The following KIAA0825 variants were observed in gnomAD, a reference collection of about 807,000 sequenced individuals.
KIAA0825 encodes KIAA0825.
Under a neutral mutation model 147.6 loss-of-function variants are expected in KIAA0825, and 119 were observed. The ratio of observed to expected loss-of-function variants is 0.81; its 90% confidence interval spans 0.69 to 0.94. KIAA0825 has a LOEUF of 0.94. KIAA0825 is among the 40% of genes least tolerant of loss of function. The probability of loss-of-function intolerance (pLI) is 0.00; values close to 1 mark genes in which losing one functional copy is unlikely to be tolerated. For missense variants in KIAA0825, 1,381 were observed against 1,472.7 expected, an observed-to-expected ratio of 0.94 and a Z score of 1.02; for synonymous variants, 470 against 518.1, an observed-to-expected ratio of 0.91 and a Z score of 1.26.
chr5:94,299,739 T>C (rs1778302034), intron 20 of KIAA0825, among the ~76,000 whole-genome samples: 1 of 152,040 alleles, frequency 6.6e-6, no homozygotes, highest in Non-Finnish European at 1.5e-5. Context: ...GGAGCTTAAG[T>C]AAAAAGAGAT....
chr5:94,406,200 C>T (rs896533727), intron 15 of KIAA0825, among the ~76,000 whole-genome samples: 1 of 152,218 alleles, frequency 6.6e-6, no homozygotes, highest in Non-Finnish European at 1.5e-5. Flanking sequence ...GCTGGGATTA[C>T]AGGCGTGAGC....
rs62364612 is a variant in KIAA0825, at chr5:94,470,673, T to C, written c.1722-562A>G. On this transcript the variant is annotated intron_variant, in intron 9 of 20. Transcript: ENST00000682413. ...CACAACATCTGACTACTTATGAGAA[T>C]TAAAGAAATATCACAGTTATACCCT... 7.3e-3 allele frequency among the ~76,000 whole-genome samples: 1,106 copies of C among 152,354 alleles called. 6 individuals are homozygous for C. Among genetic ancestry groups the C allele is most frequent in the Non-Finnish European group, 0.011 (734 of 68,032 alleles).
Position 94,417,296 on chromosome 5 carries a change from A to G in KIAA0825, c.2567T>C (p.Leu856Ser), listed in dbSNP as rs1184772790. ...PSLMEAIFKI[L>S]YHCSFSPQTF... ...TTGTGGAGAAAAACTGCAATGGTAC[A>G]ATATTTTAAAGATGGCTTCCATCAA... Residue 856 changes from leucine to serine, a missense_variant, in exon 15 of 21, where the codon TTG becomes TCG. Physicochemically the swap from Leu to Ser is moderately radical, Grantham distance 145 (BLOSUM62 -2). Coordinates refer to ENST00000682413, the MANE Select transcript of KIAA0825 (RefSeq NM_001145678.3). The G allele has an allele frequency of 6.4e-7, 1 of 1,550,858 alleles. No individual in the cohort carries two copies. Among genetic ancestry groups the G allele is most frequent in the South Asian group, 1.2e-5 (1 of 84,012 alleles).
At chr5:94,288,214 C>T (rs1201843299) in intron 20 of KIAA0825, among the ~76,000 whole-genome samples, 2 of 152,092 alleles carry the variant, frequency 1.3e-5, no homozygotes, top group African/African-American at 4.8e-5. Context: ...AGGTGAATGG[C>T]TTTATCTTCC....
chr5:94,571,613 A>C (rs990322462), intron 2 of KIAA0825, among the ~76,000 whole-genome samples: 7 of 152,218 alleles, frequency 4.6e-5, no homozygotes, highest in Non-Finnish European at 1.5e-5. Flanking sequence ...ATATTTTTAG[A>C]TGTGGTCTTA....
At chr5:94,166,689 G>A (rs1368970194) in intron 20 of KIAA0825, among the ~76,000 whole-genome samples, 1 of 151,598 alleles carries the variant, frequency 6.6e-6, no homozygotes, top group Admixed American at 6.6e-5. Context: ...TGTATTTTTA[G>A]TAGAGACGGG....
chr5:94,500,782 A>G (rs1764981350), intron 5 of KIAA0825, among the ~76,000 whole-genome samples: 1 of 151,986 alleles, frequency 6.6e-6, no homozygotes. Flanking sequence ...TTTCATTACT[A>G]TTATTATTTT....
chr5:94,295,251 C>T (rs1778083343), intron 20 of KIAA0825, among the ~76,000 whole-genome samples: 1 of 151,838 alleles, frequency 6.6e-6, no homozygotes, highest in Non-Finnish European at 1.5e-5. Flanking sequence ...AATTCTCGTG[C>T]TGTGTTTTTC....
At chr5:94,154,551 G>A (rs912334100) in intron 20 of KIAA0825, among the ~76,000 whole-genome samples, 1 of 152,108 alleles carries the variant, frequency 6.6e-6, no homozygotes, top group Admixed American at 6.5e-5. Flanking sequence ...TTAGCAGAAA[G>A]AAGAACATCG....
intron 12 of KIAA0825, among the ~76,000 whole-genome samples, chr5:94,454,203 C>T (rs1758790997): frequency 6.6e-6 from 1 of 152,144 alleles, no homozygotes; most frequent in East Asian, 1.9e-4. Context: ...TTTTCCTACA[C>T]AGAGTTAAGA....
rs1753589025 is a variant in KIAA0825, at chr5:94,417,226, T to C, written c.2637A>G (p.Leu879=). 6.4e-7 allele frequency: 1 copy of C among 1,550,956 alleles called. No homozygotes were observed. The highest frequency in any genetic ancestry group is 8.7e-7 in the Non-Finnish European group (1 of 1,146,498). The change falls in exon 15 of 21, where the codon TTA becomes TTG. Residue 879 remains leucine (L), a synonymous_variant. Transcript: ENST00000682413. ...VFVSYMEEEQ[L]WDFLYNIPVS... is the part of the protein sequence containing the mutation. ...CTGGGATGTTATATAAAAAGTCCCA[T>C]AATTGCTCTTCTTCCATGTAGCTCA... is the stretch of plus-strand genomic sequence containing the variant.
At chr5:94,553,747 CAAG>C (rs777837205) in intron 2 of KIAA0825, among the ~76,000 whole-genome samples, 9 of 132,804 alleles carry the variant, frequency 6.8e-5, no homozygotes, top group East Asian at 2.1e-4. Flanking sequence ...TCCTGAGCAA[CAAG>C]AAGGAGACTG....
At chr5:94,374,476 T>A (rs1747228618) in intron 20 of KIAA0825, among the ~76,000 whole-genome samples, 1 of 152,222 alleles carries the variant, frequency 6.6e-6, no homozygotes, top group African/African-American at 2.4e-5. Flanking sequence ...AGCCACAGAA[T>A]TGTATCACTC....
chr5:94,541,087 G>A (rs1376011905), intron 2 of KIAA0825, among the ~76,000 whole-genome samples: 1 of 152,156 alleles, frequency 6.6e-6, no homozygotes, highest in Non-Finnish European at 1.5e-5. Context: ...GGGAATTTAT[G>A]CAAGAAATGT....
chr5:94,594,225 G>A lies in KIAA0825; in HGVS notation c.-152-11642C>T, dbSNP rs878960458. ...TTTATCTTCATCTCTAAGTGCAAGA[G>A]TCCAGTTTTGTCTTATGGAACTAAA... On this transcript the variant is annotated intron_variant, in intron 1 of 20. Transcript: ENST00000682413. The A allele has an allele frequency of 1.8e-4, 105 of 596,926 alleles. 4 individuals are homozygous for A. The highest frequency in any genetic ancestry group is 1.4e-3 in the South Asian group (104 of 72,886). 37.0% of individuals were successfully genotyped at this position (596,926 alleles called of 1,614,324 possible).
At chr5:94,576,746 G>A (rs1377490128) in intron 2 of KIAA0825, among the ~76,000 whole-genome samples, 1 of 152,180 alleles carries the variant, frequency 6.6e-6, no homozygotes, top group South Asian at 2.1e-4. Context: ...ATTACTTGGT[G>A]AGAGAAGAGA....
At chr5:94,284,215 T>A (rs1777573462) in intron 20 of KIAA0825, among the ~76,000 whole-genome samples, 1 of 152,160 alleles carries the variant, frequency 6.6e-6, no homozygotes, top group South Asian at 2.1e-4. Context: ...TGTTCTCAAA[T>A]TTGCTATAGT....
intron 14 of KIAA0825, 101 bp downstream of exon 14, chr5:94,439,881 G>T: frequency 8.1e-7 from 1 of 1,241,330 alleles, no homozygotes; most frequent in Non-Finnish European, 1.1e-6. Flanking sequence ...CATGCTATTG[G>T]TTTACATCTT....
intron 20 of KIAA0825, among the ~76,000 whole-genome samples, chr5:94,187,601 A>AT (rs1355531291): frequency 1.4e-4 from 21 of 151,578 alleles, no homozygotes; most frequent in African/African-American, 4.6e-4. Flanking sequence ...TAATTTTTGT[A>AT]TTTTTAGTAG....
Sources: allele counts gnomAD v4.1 joint callset (sites outside exome capture counted in the v4.1 genomes callset), GRCh38; gene constraint gnomAD v4.1.1; transcripts MANE v1.5; gene names NCBI Gene and HGNC (gene_info 2026-07-23, HGNC 2026-07-21).